Variants in LYPLAL1 observed in about 807,000 individuals in gnomAD.
LYPLAL1 encodes the protein lysophospholipase-like protein 1.
Under a neutral mutation model 19.7 loss-of-function variants are expected in LYPLAL1, and 23 were observed. The observed-to-expected ratio is 1.17, with a 90% CI of 0.84 to 1.65. The LOEUF is 1.65. Ranked by LOEUF, LYPLAL1 falls within the 40% of genes most tolerant of loss-of-function variation. LYPLAL1 has a pLI of 0.00. For missense variants in LYPLAL1, 355 were observed against 279.4 expected, an observed-to-expected ratio of 1.27 and a Z score of -1.93; for synonymous variants, 119 against 96.3, an observed-to-expected ratio of 1.24 and a Z score of -1.38.
the LYPLAL1 span, among the ~76,000 whole-genome samples, chr1:219,410,439 A>G: frequency 6.6e-6 from 1 of 152,236 alleles, no homozygotes; most frequent in South Asian, 2.1e-4. Flanking sequence ...CACCTTTTAA[A>G]ATATGACACC....
chr1:219,187,011 T>C (rs1656775965), intron 2 of LYPLAL1, among the ~76,000 whole-genome samples: 1 of 151,652 alleles, frequency 6.6e-6, no homozygotes, highest in South Asian at 2.1e-4. Context: ...GCAAAGCTTT[T>C]TTACCTACTT....
chr1:219,334,911 G>C, the LYPLAL1 span, among the ~76,000 whole-genome samples: 1 of 151,874 alleles, frequency 6.6e-6, no homozygotes, highest in African/African-American at 2.4e-5. Flanking sequence ...TAAATGAAAA[G>C]GAGAATTTGT....
At chr1:219,424,965 G>A in the LYPLAL1 span, among the ~76,000 whole-genome samples, 5,779 of 152,134 alleles carry the variant, frequency 0.038, 368 homozygotes, top group African/African-American at 0.13. Flanking sequence ...AACTTAATCC[G>A]TACAGTAATT....
the LYPLAL1 span, among the ~76,000 whole-genome samples, chr1:219,332,880 G>A: frequency 2.1e-3 from 313 of 151,138 alleles, 4 homozygotes; most frequent in African/African-American, 6.7e-3. Flanking sequence ...AGGCTCTGGG[G>A]GAGAATCCAT....
the LYPLAL1 span, among the ~76,000 whole-genome samples, chr1:219,344,445 C>T: frequency 1.3e-5 from 2 of 152,206 alleles, no homozygotes; most frequent in Non-Finnish European, 2.9e-5. Context: ...GGGAGTCTTC[C>T]CCCAGGATTT....
At chr1:219,280,915 G>A in the LYPLAL1 span, among the ~76,000 whole-genome samples, 7 of 152,128 alleles carry the variant, frequency 4.6e-5, no homozygotes, top group South Asian at 2.1e-4. Flanking sequence ...CAAGTGTGGC[G>A]GCGGGCGCCT....
At chr1:219,218,074 A>G in the LYPLAL1 span, among the ~76,000 whole-genome samples, 1 of 151,798 alleles carries the variant, frequency 6.6e-6, no homozygotes, top group South Asian at 2.1e-4. Context: ...TATTGATAGG[A>G]TTTTTTTCTC....
At chr1:219,344,329 C>T in the LYPLAL1 span, among the ~76,000 whole-genome samples, 2,605 of 152,266 alleles carry the variant, frequency 0.017, 73 homozygotes, top group African/African-American at 0.059. Context: ...CTGAAAGTGG[C>T]TCCTCCTTTG....
the LYPLAL1 span, among the ~76,000 whole-genome samples, chr1:219,250,475 T>G: frequency 2.0e-5 from 3 of 152,092 alleles, no homozygotes; most frequent in South Asian, 4.1e-4. Context: ...AACTTTTATT[T>G]TAGGTTTGAG....
At chr1:219,351,605 G>A in the LYPLAL1 span, among the ~76,000 whole-genome samples, 1 of 151,808 alleles carries the variant, frequency 6.6e-6, no homozygotes. Flanking sequence ...GATGGCGAAT[G>A]TTCTTATAAG....
the LYPLAL1 span, among the ~76,000 whole-genome samples, chr1:219,346,097 A>G: frequency 6.6e-6 from 1 of 152,174 alleles, no homozygotes; most frequent in African/African-American, 2.4e-5. Flanking sequence ...TCCTCACCTC[A>G]CAGAAAGCCA....
At chr1:219,443,058 T>C in the LYPLAL1 span, among the ~76,000 whole-genome samples, 1 of 151,182 alleles carries the variant, frequency 6.6e-6, no homozygotes, top group African/African-American at 2.4e-5. Context: ...AATAATGCTA[T>C]GCAATTTCTC....
At position 219,197,598 on chromosome 1, in the gene LYPLAL1, C is replaced by A. The variant is rs1484700305; in HGVS notation, c.361+4347C>A. Among the ~76,000 whole-genome samples the A allele has an allele frequency of 2.0e-5, 3 of 152,056 alleles. No homozygotes were observed. The East Asian group carries it at 5.8e-4, about 29-fold the overall frequency. ...GATTTTATGATGAAAATTTCAAAAG[C>A]AATAGCAACAAAAGCAGAAGTTGAC... On this transcript the variant is annotated intron_variant, in intron 3 of 4. Transcript: ENST00000366928.
the LYPLAL1 span, among the ~76,000 whole-genome samples, chr1:219,382,012 G>T: frequency 6.6e-6 from 1 of 152,154 alleles, no homozygotes; most frequent in East Asian, 1.9e-4. Flanking sequence ...GCTTAGCTAG[G>T]AATGGATGTT....
chr1:219,409,242 G>A, the LYPLAL1 span, among the ~76,000 whole-genome samples: 1 of 152,068 alleles, frequency 6.6e-6, no homozygotes, highest in Non-Finnish European at 1.5e-5. Context: ...TGAGCCCAGG[G>A]GTTCAAGACC....
At chr1:219,413,526 G>A in the LYPLAL1 span, among the ~76,000 whole-genome samples, 1 of 151,820 alleles carries the variant, frequency 6.6e-6, no homozygotes, top group African/African-American at 2.4e-5. Context: ...TTATTTTAGT[G>A]GCTGGAATTA....
At chr1:219,417,388 G>A in the LYPLAL1 span, among the ~76,000 whole-genome samples, 3 of 152,124 alleles carry the variant, frequency 2.0e-5, no homozygotes, top group Non-Finnish European at 2.9e-5. Flanking sequence ...GCTGCAAATA[G>A]TTTTTTAAAA....
chr1:219,233,287 A>G, the LYPLAL1 span, among the ~76,000 whole-genome samples: 1 of 152,348 alleles, frequency 6.6e-6, no homozygotes. Context: ...TATTTGAGGT[A>G]TCTAGAATAG....
chr1:219,382,922 A>G, the LYPLAL1 span, among the ~76,000 whole-genome samples: 1 of 152,202 alleles, frequency 6.6e-6, no homozygotes, highest in South Asian at 2.1e-4. Flanking sequence ...AAAAATGCCC[A>G]CCTACTCGGT....
Sources: gnomAD v4.1 joint callset for allele counts (sites outside exome capture counted in the v4.1 genomes callset) on GRCh38, gnomAD v4.1.1 for gene constraint, MANE v1.5 for transcripts, NCBI Gene and HGNC (gene_info 2026-07-23, HGNC 2026-07-21) for gene names.